Variants in NTNG1 observed in about 807,000 individuals in gnomAD.
NTNG1 encodes the protein netrin G1, also known as netrin-G1.
A neutral mutation model predicts 54.0 loss-of-function variants in NTNG1; 16 were observed. The observed-to-expected ratio is 0.30, with a 90% confidence interval of 0.20 to 0.45. The LOEUF (loss-of-function observed/expected upper bound fraction) is 0.45. Among genes scored for constraint, NTNG1 ranks in the 20% least tolerant of loss-of-function variants. The probability of loss-of-function intolerance (pLI) is 1.00; values close to 1 mark genes in which losing one functional copy is unlikely to be tolerated. For missense variants in NTNG1, 530 were observed against 678.7 expected (o/e 0.78, Z 2.43); for synonymous variants, 255 against 263.1 (o/e 0.97, Z 0.30).
intron 7 of NTNG1, among the ~76,000 whole-genome samples, chr1:107,437,186 A>C (rs541189033): frequency 4.6e-5 from 7 of 152,348 alleles, no homozygotes; most frequent in African/African-American, 1.7e-4. Context: ...AGAGTTCATA[A>C]ATTAAATGAT....
chr1:107,433,273 A>G (rs1311897410), intron 6 of NTNG1, among the ~76,000 whole-genome samples: 1 of 152,184 alleles, frequency 6.6e-6, no homozygotes, highest in Non-Finnish European at 1.5e-5. Flanking sequence ...GCCAGGTGCA[A>G]TGGCTAATGC....
chr1:107,269,874 C>CA (rs1213002643), intron 2 of NTNG1, among the ~76,000 whole-genome samples: 1 of 152,222 alleles, frequency 6.6e-6, no homozygotes, highest in Non-Finnish European at 1.5e-5. Flanking sequence ...AACACATAGA[C>CA]ATCAGCAGCT....
At chr1:107,478,229 TA>T (rs939065319) in intron 7 of NTNG1, among the ~76,000 whole-genome samples, 1 of 152,192 alleles carries the variant, frequency 6.6e-6, no homozygotes, top group Non-Finnish European at 1.5e-5. Flanking sequence ...GTTGGAGGAC[TA>T]ACACAATCAA....
At chr1:107,374,075 T>C (rs1253120478) in intron 3 of NTNG1, among the ~76,000 whole-genome samples, 2 of 152,160 alleles carry the variant, frequency 1.3e-5, no homozygotes, top group East Asian at 3.9e-4. Flanking sequence ...TTTTCTTTTA[T>C]TACTTGGAAG....
chr1:107,285,098 A>G (rs1279172557), intron 2 of NTNG1, among the ~76,000 whole-genome samples: 1 of 152,126 alleles, frequency 6.6e-6, no homozygotes, highest in African/African-American at 2.4e-5. Flanking sequence ...GGGTTATTCT[A>G]CTTGATGCTG....
chr1:107,456,977 G>A (rs1676994149), intron 7 of NTNG1, among the ~76,000 whole-genome samples: 1 of 152,180 alleles, frequency 6.6e-6, no homozygotes, highest in Non-Finnish European at 1.5e-5. Context: ...CAGAAATGAA[G>A]CACAACACCA....
intron 2 of NTNG1, among the ~76,000 whole-genome samples, chr1:107,190,791 G>A (rs1657851416): frequency 6.6e-6 from 1 of 152,162 alleles, no homozygotes; most frequent in Non-Finnish European, 1.5e-5. Flanking sequence ...ATTCCATGGT[G>A]TATATGTGCC....
chr1:107,326,223 C>A (rs1167049174), intron 3 of NTNG1, among the ~76,000 whole-genome samples: 1 of 152,026 alleles, frequency 6.6e-6, no homozygotes, highest in East Asian at 1.9e-4. Context: ...TCATGTTCCT[C>A]ATGGAAGAAT....
Position 107,324,218 on chromosome 1 carries a change from C to G in NTNG1, c.247-64C>G. On this transcript the variant is annotated intron_variant, in intron 2 of 7. Coordinates refer to ENST00000370068, the MANE Select transcript of NTNG1 (RefSeq NM_001113226.3). ...TTTCTAGCCTCTTACTGAGCAACAG[C>G]AATATGGCAAGACTTGTGGCAAACC... 3 of 1,479,188 alleles carry G rather than the reference C, an allele frequency of 2.0e-6. No homozygotes were observed. In the African/African-American group the frequency reaches 4.2e-5, roughly 21 times the overall value. 91.6% of individuals were successfully genotyped at this position (1,479,188 alleles called of 1,614,324 possible). A position where few individuals can be genotyped will look rare whatever the true frequency, so the allele number is the denominator to read the frequency against.
chr1:107,305,673 T>G lies in NTNG1; in HGVS notation c.247-18609T>G, dbSNP rs187958691. ...ATGGATAGATAGATAGCAAATATTT[T>G]CTCCCATTCTGTAGGTTGCCTGTTC... On this transcript the variant is annotated intron_variant, in intron 2 of 7. Coordinates refer to ENST00000370068, the MANE Select transcript of NTNG1 (RefSeq NM_001113226.3). Among the ~76,000 whole-genome samples the G allele has an allele frequency of 3.1e-3, 475 of 152,290 alleles. 2 individuals carry two copies. Among genetic ancestry groups the G allele is most frequent in the African/African-American group, 0.011 (443 of 41,566 alleles).
intron 2 of NTNG1, among the ~76,000 whole-genome samples, chr1:107,184,472 C>T (rs1360456385): frequency 6.6e-6 from 1 of 152,114 alleles, no homozygotes; most frequent in Non-Finnish European, 1.5e-5. Flanking sequence ...CACCCTGCTT[C>T]CTGCCGAAAG....
chr1:107,239,766 C>T (rs1247160629), intron 2 of NTNG1, among the ~76,000 whole-genome samples: 2 of 151,674 alleles, frequency 1.3e-5, no homozygotes, highest in Non-Finnish European at 2.9e-5. Context: ...TAGATTAGGA[C>T]AATAGCTTGG....
chr1:107,417,408 T>A (rs556996937), intron 5 of NTNG1, among the ~76,000 whole-genome samples: 1 of 152,198 alleles, frequency 6.6e-6, no homozygotes, highest in East Asian at 1.9e-4. Flanking sequence ...ATAATCTAAT[T>A]ATGGAGGAAA....
At chr1:107,320,465 G>A (rs912577902) in intron 2 of NTNG1, among the ~76,000 whole-genome samples, 2 of 152,050 alleles carry the variant, frequency 1.3e-5, no homozygotes, top group African/African-American at 4.8e-5. Context: ...GAGGATTAGG[G>A]TGGGGTTGAA....
chr1:107,404,079 ATT>A (rs1357000724), intron 4 of NTNG1, among the ~76,000 whole-genome samples: 3 of 28,018 alleles, frequency 1.1e-4, no homozygotes, highest in Non-Finnish European at 5.1e-4. Context: ...CTCCTTCTTA[ATT>A]TATATATATA....
At chr1:107,308,844 C>T (rs1413445856) in intron 2 of NTNG1, among the ~76,000 whole-genome samples, 1 of 152,054 alleles carries the variant, frequency 6.6e-6, no homozygotes, top group Non-Finnish European at 1.5e-5. Flanking sequence ...AGATCCTTCA[C>T]CTCTCTGGTT....
intron 3 of NTNG1, among the ~76,000 whole-genome samples, chr1:107,379,308 A>G (rs1671498061): frequency 6.6e-6 from 1 of 152,136 alleles, no homozygotes; most frequent in African/African-American, 2.4e-5. Context: ...GGTCATCTCT[A>G]CGGAATTGTA....
intron 7 of NTNG1, among the ~76,000 whole-genome samples, chr1:107,479,320 A>G (rs879809378): frequency 1.3e-5 from 2 of 152,218 alleles, no homozygotes; most frequent in Non-Finnish European, 2.9e-5. Context: ...ACTGTTGAAC[A>G]TAATTAGTGG....
At chr1:107,155,655 C>G in intron 2 of NTNG1, among the ~76,000 whole-genome samples, 1 of 152,268 alleles carries the variant, frequency 6.6e-6, no homozygotes, top group East Asian at 1.9e-4. Context: ...AGCCACCACA[C>G]TTGCTAATGT....
Sources: gnomAD v4.1 joint callset for allele counts (sites outside exome capture counted in the v4.1 genomes callset) on GRCh38, gnomAD v4.1.1 for gene constraint, MANE v1.5 for transcripts, NCBI Gene and HGNC (gene_info 2026-07-23, HGNC 2026-07-21) for gene names.